Variants in DIAPH2 observed in about 807,000 individuals in gnomAD.
DIAPH2 encodes diaphanous related formin 2.
DIAPH2 carries 35 observed loss-of-function variants against 92.7 expected under a neutral mutation model. The ratio of observed to expected loss-of-function variants is 0.38; its 90% CI spans 0.29 to 0.50. DIAPH2 has a LOEUF of 0.50. Ranked by LOEUF, DIAPH2 falls within the 20% of genes least tolerant of loss-of-function variation. DIAPH2 has a pLI of 0.94. For synonymous variants in DIAPH2, 301 were observed against 280.4 expected, an observed-to-expected ratio of 1.07 and a Z score of -0.73; for missense variants, 701 against 819.5, an observed-to-expected ratio of 0.86 and a Z score of 1.77.
intron 4 of DIAPH2, among the ~76,000 whole-genome samples, chrX:96,788,353 A>T (rs2064474438): frequency 8.9e-6 from 1 of 111,964 alleles, no homozygotes; most frequent in Non-Finnish European, 1.9e-5. Flanking sequence ...CTTTTAGGAC[A>T]CTGTGGGATA....
At chrX:97,246,018 T>G (rs1382921103) in intron 22 of DIAPH2, among the ~76,000 whole-genome samples, 1 of 107,984 alleles carries the variant, frequency 9.3e-6, no homozygotes, top group Non-Finnish European at 1.9e-5. Flanking sequence ...TTCTCCTGCC[T>G]TAGCCTCCCG....
chrX:97,021,022 T>A (rs2066294089), intron 17 of DIAPH2, among the ~76,000 whole-genome samples: 1 of 111,579 alleles, frequency 9.0e-6, no homozygotes, highest in African/African-American at 3.3e-5. Context: ...AGGAAGATTA[T>A]TTAAGCCATC....
intron 26 of DIAPH2, among the ~76,000 whole-genome samples, chrX:97,597,851 C>T (rs1268609344): frequency 4.5e-5 from 5 of 111,525 alleles, no homozygotes; most frequent in Non-Finnish European, 9.4e-5. Flanking sequence ...TAATCCATCA[C>T]TCAGATATAT....
At chrX:96,808,134 T>C (rs1400386066) in intron 4 of DIAPH2, among the ~76,000 whole-genome samples, 2 of 109,323 alleles carry the variant, frequency 1.8e-5, no homozygotes, top group African/African-American at 6.6e-5. Context: ...ACTCTACCAC[T>C]GCAGTTCCTA....
chrX:97,016,629 G>A (rs2066263005), intron 17 of DIAPH2, among the ~76,000 whole-genome samples: 1 of 111,785 alleles, frequency 8.9e-6, no homozygotes, highest in Admixed American at 9.5e-5. Flanking sequence ...TGTAGCCACT[G>A]TTTCCAGAAT....
At chrX:96,884,168 C>G (rs2065240164) in intron 5 of DIAPH2, 2 of 472,900 alleles carry the variant, frequency 4.2e-6, no homozygotes, top group Non-Finnish European at 7.0e-6. Context: ...CGTCCTCAGC[C>G]TCCCAGCATT....
intron 4 of DIAPH2, among the ~76,000 whole-genome samples, chrX:96,856,370 C>G (rs978327998): frequency 8.2e-5 from 9 of 109,626 alleles, no homozygotes; most frequent in Non-Finnish European, 1.3e-4. Context: ...CACCCCAGTT[C>G]TCACAAGGTT....
At position 96,857,423 on chromosome X, in the gene DIAPH2, T is replaced by C. The variant is rs2065047384; in HGVS notation, c.448-24156T>C. ...TACAAGTCATTACTTTAATAAAAAG[T>C]TTATCATAGTACTGAGTGTTTCAAA... On this transcript the variant is annotated intron_variant, in intron 4 of 26. Transcript: ENST00000324765. Among the ~76,000 whole-genome samples, 4 of 112,449 alleles carry C rather than the reference T, an allele frequency of 3.6e-5. No individual in the cohort carries two copies. The South Asian group carries it at 1.5e-3, about 41-fold the overall frequency.
chrX:97,542,828 C>T (rs992873902), intron 26 of DIAPH2, among the ~76,000 whole-genome samples: 5 of 110,912 alleles, frequency 4.5e-5, no homozygotes, highest in African/African-American at 6.6e-5. Flanking sequence ...AAAACATAAC[C>T]GATATATGGT....
chrX:97,087,352 A>G (rs1350110927), intron 19 of DIAPH2, among the ~76,000 whole-genome samples: 1 of 111,913 alleles, frequency 8.9e-6, no homozygotes, highest in Non-Finnish European at 1.9e-5. Context: ...TTCAGTGTAT[A>G]TAGCTGAATA....
chrX:96,701,679 G>A (rs771239653), intron 1 of DIAPH2: 2 of 111,322 alleles, frequency 1.8e-5, no homozygotes, highest in East Asian at 2.8e-4. Context: ...TTATGTAAAG[G>A]CACATATTTG....
chrX:97,109,654 T>TA (rs764377995), intron 20 of DIAPH2, among the ~76,000 whole-genome samples: 1 of 111,347 alleles, frequency 9.0e-6, no homozygotes, highest in African/African-American at 3.3e-5. Flanking sequence ...TGGGGTGACC[T>TA]ACCTGGAAGC....
chrX:96,832,312 A>G (rs769121759), intron 4 of DIAPH2, among the ~76,000 whole-genome samples: 1 of 111,769 alleles, frequency 8.9e-6, no homozygotes, highest in Non-Finnish European at 1.9e-5. Context: ...TTGTCTCCCA[A>G]CTGCCTCTCA....
chrX:96,939,619 T>TAAAC, intron 12 of DIAPH2, among the ~76,000 whole-genome samples: 1 of 57,634 alleles, frequency 1.7e-5, no homozygotes, highest in Non-Finnish European at 3.3e-5. Flanking sequence ...CACACACATA[T>TAAAC]ACACACACAC....
At chrX:96,709,362 C>A (rs1243198058) in intron 1 of DIAPH2, among the ~76,000 whole-genome samples, 1 of 111,701 alleles carries the variant, frequency 9.0e-6, no homozygotes, top group Non-Finnish European at 1.9e-5. Flanking sequence ...ATTGAGAAGT[C>A]TTTTGCATAA....
chrX:97,360,643 G>A (rs886660377), intron 24 of DIAPH2, among the ~76,000 whole-genome samples: 5 of 110,772 alleles, frequency 4.5e-5, no homozygotes, highest in African/African-American at 1.6e-4. Context: ...CAAACAAACA[G>A]ATGATTATGT....
intron 23 of DIAPH2, among the ~76,000 whole-genome samples, chrX:97,296,776 CTT>C (rs1277806851): frequency 1.0e-4 from 10 of 97,315 alleles, no homozygotes; most frequent in Admixed American, 2.2e-4. Context: ...GGCTACAGAA[CTT>C]TTTTTTTTTT....
At chrX:97,440,430 A>C (rs1354467066) in intron 26 of DIAPH2, among the ~76,000 whole-genome samples, 2 of 109,554 alleles carry the variant, frequency 1.8e-5, no homozygotes, top group East Asian at 5.8e-4. Context: ...CGTCTCTACT[A>C]AAAATACAAA....
At chrX:97,497,514 G>A (rs918647749) in intron 26 of DIAPH2, among the ~76,000 whole-genome samples, 3 of 105,055 alleles carry the variant, frequency 2.9e-5, no homozygotes, top group Non-Finnish European at 5.8e-5. Flanking sequence ...GCTTAATATT[G>A]TGTAACGGAG....
Sources: allele counts gnomAD v4.1 joint callset (sites outside exome capture counted in the v4.1 genomes callset), GRCh38; gene constraint gnomAD v4.1.1; transcripts MANE v1.5; gene names NCBI Gene and HGNC (gene_info 2026-07-23, HGNC 2026-07-21).